The following MIR2052HG variants were observed in gnomAD, a reference collection of about 807,000 sequenced individuals.
MIR2052HG encodes MIR2052 host gene.
At chr8:74,730,550 C>A (rs757903232) in intron 4 of MIR2052HG, among the ~76,000 whole-genome samples, 1 of 152,072 alleles carries the variant, frequency 6.6e-6, no homozygotes, top group Admixed American at 6.5e-5. Flanking sequence ...TACCTATAAG[C>A]AGCAAGACTC....
intron 2 of MIR2052HG, among the ~76,000 whole-genome samples, chr8:74,627,553 T>C (rs1808452805): frequency 6.6e-6 from 1 of 152,214 alleles, no homozygotes; most frequent in Non-Finnish European, 1.5e-5. Flanking sequence ...AAGGGAAAAT[T>C]AAAGCTATTA....
intron 2 of MIR2052HG, among the ~76,000 whole-genome samples, chr8:74,670,502 C>T (rs994370908): frequency 3.8e-4 from 58 of 152,018 alleles, no homozygotes; most frequent in African/African-American, 1.3e-3. Context: ...CCTAAAATAA[C>T]GGAAGGACTA....
intron 2 of MIR2052HG, among the ~76,000 whole-genome samples, chr8:74,687,235 C>T (rs922205560): frequency 4.6e-5 from 7 of 152,126 alleles, no homozygotes; most frequent in Admixed American, 1.3e-4. Context: ...AACACTTGTA[C>T]ACCATTGGTG....
At chr8:74,672,631 A>T (rs995440066) in intron 2 of MIR2052HG, among the ~76,000 whole-genome samples, 1 of 152,052 alleles carries the variant, frequency 6.6e-6, no homozygotes, top group African/African-American at 2.4e-5. Flanking sequence ...AGCAATGTAT[A>T]CCTATTATTT....
rs182677510 is a variant in MIR2052HG at position 74,719,441 on chromosome 8, T to G, written n.371+15759T>G. The stretch of plus-strand genomic sequence containing the variant: ...TAGCTGTGGCCTTCTCTCCCTGGTT[T>G]GCTGGTGACCCGGACAGGTTGGAGG... On this transcript the variant is annotated intron_variant and non_coding_transcript_variant, in intron 4 of 6. Coordinates refer to ENST00000523442, the Ensembl canonical transcript of MIR2052HG. 1.2e-4 allele frequency among the ~76,000 whole-genome samples: 18 copies of G among 152,310 alleles called. No individual in the cohort carries two copies. The East Asian group carries it at 3.5e-3, about 29-fold the overall frequency.
intron 2 of MIR2052HG, among the ~76,000 whole-genome samples, chr8:74,658,078 C>T (rs763840805): frequency 2.6e-5 from 4 of 152,160 alleles, no homozygotes; most frequent in Non-Finnish European, 5.9e-5. Context: ...AGGGCCTTAG[C>T]TCTGACTATT....
intron 2 of MIR2052HG, among the ~76,000 whole-genome samples, chr8:74,613,152 G>T (rs1206390074): frequency 6.6e-6 from 1 of 152,182 alleles, no homozygotes; most frequent in Non-Finnish European, 1.5e-5. Flanking sequence ...GAGGCTGAAA[G>T]AATTGGAGAC....
intron 2 of MIR2052HG, among the ~76,000 whole-genome samples, chr8:74,630,381 A>G (rs1808492524): frequency 1.3e-5 from 2 of 152,038 alleles, no homozygotes; most frequent in South Asian, 4.1e-4. Flanking sequence ...GTGTCCTAAT[A>G]TTTGCAAATG....
At chr8:74,746,360 A>C (rs1809885250) in intron 4 of MIR2052HG, among the ~76,000 whole-genome samples, 2 of 152,200 alleles carry the variant, frequency 1.3e-5, no homozygotes, top group Admixed American at 6.5e-5. Flanking sequence ...ACATTGATTA[A>C]ACATCTCATA....
At chr8:74,702,716 A>G (rs1467910868) in intron 3 of MIR2052HG, among the ~76,000 whole-genome samples, 2 of 152,142 alleles carry the variant, frequency 1.3e-5, no homozygotes, top group Non-Finnish European at 2.9e-5. Context: ...GAAGAGCACT[A>G]CATTAGACTG....
At chr8:74,604,385 G>A (rs1343898932) in intron 1 of MIR2052HG, 3 of 440,374 alleles carry the variant, frequency 6.8e-6, no homozygotes, top group Non-Finnish European at 1.3e-5. Context: ...GGGAGGCCGG[G>A]GGCGGAACAA....
intron 4 of MIR2052HG, among the ~76,000 whole-genome samples, chr8:74,704,963 T>C (rs1809395018): frequency 6.6e-6 from 1 of 152,066 alleles, no homozygotes; most frequent in African/African-American, 2.4e-5. Flanking sequence ...CACTGTGCTC[T>C]AAAGCATAGG....
intron 4 of MIR2052HG, among the ~76,000 whole-genome samples, chr8:74,738,483 C>A (rs1482938481): frequency 6.6e-6 from 1 of 152,116 alleles, no homozygotes; most frequent in Admixed American, 6.6e-5. Context: ...TACCTGGTGG[C>A]TCTTATTCTC....
At chr8:74,647,031 G>A (rs984936192) in intron 2 of MIR2052HG, among the ~76,000 whole-genome samples, 14 of 152,158 alleles carry the variant, frequency 9.2e-5, no homozygotes, top group African/African-American at 3.4e-4. Context: ...ATTTGGGCCA[G>A]TACCCAGGTG....
At chr8:74,627,701 T>C (rs1276757045) in intron 2 of MIR2052HG, among the ~76,000 whole-genome samples, 1 of 152,204 alleles carries the variant, frequency 6.6e-6, no homozygotes, top group Non-Finnish European at 1.5e-5. Context: ...ATTTAACATG[T>C]GGTTGTCCAT....
chr8:74,655,091 G>T (rs1460368844), intron 2 of MIR2052HG, among the ~76,000 whole-genome samples: 5 of 152,008 alleles, frequency 3.3e-5, no homozygotes, highest in Admixed American at 6.6e-5. Flanking sequence ...GATGATTTAG[G>T]GTATCTGGTG....
At chr8:74,735,492 C>A (rs1809736158) in intron 4 of MIR2052HG, among the ~76,000 whole-genome samples, 1 of 152,168 alleles carries the variant, frequency 6.6e-6, no homozygotes, top group East Asian at 1.9e-4. Flanking sequence ...ACTAGAAGGA[C>A]ATGTGCTCCC....
intron 5 of MIR2052HG, among the ~76,000 whole-genome samples, chr8:74,753,472 T>A (rs1809969154): frequency 6.6e-6 from 1 of 152,156 alleles, no homozygotes; most frequent in Admixed American, 6.5e-5. Flanking sequence ...GACTGAGAAA[T>A]GTTTCTAGAA....
chr8:74,639,293 AT>A (rs1179994762), intron 2 of MIR2052HG, among the ~76,000 whole-genome samples: 1 of 152,160 alleles, frequency 6.6e-6, no homozygotes, highest in African/African-American at 2.4e-5. Context: ...AATCTGCTTT[AT>A]AAAAATCTTT....
Sources: gnomAD v4.1 joint callset for allele counts (sites outside exome capture counted in the v4.1 genomes callset) on GRCh38, gnomAD v4.1.1 for gene constraint, MANE v1.5 for transcripts, NCBI Gene and HGNC (gene_info 2026-07-23, HGNC 2026-07-21) for gene names.